Variants in TMEM67 observed in about 807,000 individuals in gnomAD.
TMEM67 encodes meckelin.
TMEM67 carries 124 observed loss-of-function variants against 136.6 expected under a neutral mutation model. The ratio of observed to expected loss-of-function variants is 0.91; its 90% confidence interval spans 0.78 to 1.05. The LOEUF (loss-of-function observed/expected upper bound fraction) is 1.05, where lower values mean the gene tolerates loss of function less well. TMEM67 is among the 50% of genes least tolerant of loss of function. The pLI is 0.00. For synonymous variants in TMEM67, 364 were observed against 390.5 expected (o/e 0.93, Z 0.80); for missense variants, 1,107 against 1,178.4 (o/e 0.94, Z 0.89).
chr8:93,820,085 C>G (rs1809019411), downstream of TMEM67, among the ~76,000 whole-genome samples: 1 of 152,142 alleles, frequency 6.6e-6, no homozygotes. Flanking sequence ...CGATCCCAAA[C>G]TGTTGACCCC....
At chr8:93,772,054 C>A (rs908770754) in intron 6 of TMEM67, among the ~76,000 whole-genome samples, 1 of 152,050 alleles carries the variant, frequency 6.6e-6, no homozygotes, top group South Asian at 2.1e-4. Flanking sequence ...CCTTCAAAAC[C>A]GATGTAATTG....
At chr8:93,798,942 A>AGTTGT (rs1814744354) in intron 20 of TMEM67, among the ~76,000 whole-genome samples, 1 of 143,398 alleles carries the variant, frequency 7.0e-6, no homozygotes, top group African/African-American at 2.6e-5. Flanking sequence ...GTACTAAAGT[A>AGTTGT]GTGTGTGTGT....
At chr8:93,804,668 T>C in intron 22 of TMEM67, 94 bp from the exon 23 acceptor site, 1 of 696,960 alleles carries the variant, frequency 1.4e-6, no homozygotes, top group Non-Finnish European at 2.6e-6. Context: ...ATCTTCATTA[T>C]TTTGGGAAAA....
chr8:93,822,367 G>T (rs114396338), downstream of TMEM67, among the ~76,000 whole-genome samples: 3,137 of 152,262 alleles, frequency 0.021, 98 homozygotes, highest in African/African-American at 0.071. Flanking sequence ...TGAAGCAAAA[G>T]AACTTTCATA....
At chr8:93,771,849 C>G (rs1259892568) in intron 6 of TMEM67, among the ~76,000 whole-genome samples, 1 of 152,156 alleles carries the variant, frequency 6.6e-6, no homozygotes, top group Non-Finnish European at 1.5e-5. Context: ...TAAATATACA[C>G]AAATAGTACC....
intron 21 of TMEM67, among the ~76,000 whole-genome samples, chr8:93,802,606 A>T (rs1164301639): frequency 6.6e-6 from 1 of 152,218 alleles, no homozygotes; most frequent in Non-Finnish European, 1.5e-5. Flanking sequence ...ACAACCTGTT[A>T]CAGTTTCATA....
At chr8:93,763,096 A>ATT in intron 3 of TMEM67, 14 of 218,572 alleles carry the variant, frequency 6.4e-5, no homozygotes, top group South Asian at 2.7e-4. Context: ...CTAATTTTGT[A>ATT]TTTTTTTTTT....
At chr8:93,759,681 A>G (rs1812737353) in intron 3 of TMEM67, among the ~76,000 whole-genome samples, 1 of 145,656 alleles carries the variant, frequency 6.9e-6, no homozygotes, top group African/African-American at 2.6e-5. Context: ...CAGAGTTTTC[A>G]CTGTTGTTGC....
At chr8:93,815,662 G>A (rs1808878429) in intron 27 of TMEM67, among the ~76,000 whole-genome samples, 1 of 152,154 alleles carries the variant, frequency 6.6e-6, no homozygotes, top group Non-Finnish European at 1.5e-5. Context: ...CTAGTGGAGG[G>A]CATAAGTTGC....
At chr8:93,760,678 A>C (rs958125092) in intron 3 of TMEM67, among the ~76,000 whole-genome samples, 6 of 72,106 alleles carry the variant, frequency 8.3e-5, no homozygotes, top group Non-Finnish European at 1.5e-4. Flanking sequence ...CTGTGTCTAC[A>C]AAAAAAAAAG....
At chr8:93,799,780 A>G in intron 21 of TMEM67, 22 bp downstream of exon 21, 3 of 1,594,850 alleles carry the variant, frequency 1.9e-6, no homozygotes, top group Non-Finnish European at 2.6e-6. Context: ...TACAGGTAAT[A>G]TTACTTCTAA....
rs767480674 is a variant in TMEM67, at chr8:93,795,884, A to G, written c.1774-17A>G. 1.3e-6 allele frequency: 2 copies of G among 1,527,442 alleles called. No homozygotes were observed. The highest frequency in any genetic ancestry group is 1.8e-6 in the Non-Finnish European group (2 of 1,106,286). 94.6% of individuals were successfully genotyped at this position (1,527,442 alleles called of 1,614,324 possible). ...AACTGTGTGTGATAATATTTAATCAAGTAATTTTTATTATAGGCACAGAAG... is the reference window on the plus strand; with the variant it reads ...AACTGTGTGTGATAATATTTAATCAGGTAATTTTTATTATAGGCACAGAAG... On this transcript the variant is annotated splice_polypyrimidine_tract_variant and intron_variant, in intron 17 of 27. Coordinates refer to ENST00000453321, the MANE Select transcript of TMEM67 (RefSeq NM_153704.6).
intron 3 of TMEM67, among the ~76,000 whole-genome samples, chr8:93,762,688 T>C (rs568701922): frequency 6.6e-6 from 1 of 152,074 alleles, no homozygotes; most frequent in African/African-American, 2.4e-5. Flanking sequence ...GTTTTATGAG[T>C]TGGATGGCAA....
chr8:93,823,925 C>T (rs1275922004), downstream of TMEM67, among the ~76,000 whole-genome samples: 1 of 151,506 alleles, frequency 6.6e-6, no homozygotes, highest in Non-Finnish European at 1.5e-5. Context: ...CATCATTACA[C>T]ACAGTTTTCA....
rs574410532 is a variant in TMEM67, at chr8:93,770,836, G to A, written c.652-1753G>A. On this transcript the variant is annotated intron_variant, in intron 6 of 27. Transcript: ENST00000453321. Reference sequence around the variant, plus strand: ...TCAAGACCAGCCTGGCCAACATGGTGAAACCCCATCTCTACTGAAAATACA... The same window carrying A: ...TCAAGACCAGCCTGGCCAACATGGTAAAACCCCATCTCTACTGAAAATACA... Among the ~76,000 whole-genome samples, 6 of 152,138 alleles carry A rather than the reference G, an allele frequency of 3.9e-5. No homozygotes were observed. In the East Asian group the frequency reaches 1.2e-3, roughly 29 times the overall value.
At position 93,765,481 on chromosome 8, in the gene TMEM67, G is replaced by C; in HGVS notation, c.576+6G>C. ...GTTCAGAACCTAACATTTTAGTAAG[G>C]CTAACCAAATTGATAAAGTATATAT... On this transcript the variant is annotated splice_donor_region_variant and intron_variant, in intron 5 of 27. Coordinates refer to ENST00000453321, the MANE Select transcript of TMEM67 (RefSeq NM_153704.6). The C allele has an allele frequency of 1.2e-6, 2 of 1,611,210 alleles. No individual in the cohort carries two copies. Among genetic ancestry groups the C allele is most frequent in the Non-Finnish European group, 1.7e-6 (2 of 1,178,704 alleles).
intron 3 of TMEM67, among the ~76,000 whole-genome samples, chr8:93,763,348 T>C (rs1279776918): frequency 3.0e-4 from 46 of 152,352 alleles, no homozygotes; most frequent in Admixed American, 3.0e-3. Flanking sequence ...TATCCTTATA[T>C]ACATGTTCAA....
At chr8:93,781,124 G>A (rs973851070) in intron 9 of TMEM67, 142 bp downstream of exon 9, 32 of 666,364 alleles carry the variant, frequency 4.8e-5, no homozygotes, top group Non-Finnish European at 8.1e-5. Context: ...CAACTCATAA[G>A]AACTAAATAG....
rs148541991 is a variant in TMEM67 at position 93,771,293 on chromosome 8, T to A, written c.652-1296T>A. 4.3e-3 allele frequency among the ~76,000 whole-genome samples: 658 copies of A among 152,142 alleles called. 7 individuals carry two copies. Among genetic ancestry groups the A allele is most frequent in the African/African-American group, 0.015 (608 of 41,538 alleles). ...AAGCTTTATTATGAACTGTAGAATC[T>A]TTGTTTACTCATTGTGTTATAATCT... On this transcript the variant is annotated intron_variant, in intron 6 of 27. Transcript: ENST00000453321.
Sources: gnomAD v4.1 joint callset for allele counts (sites outside exome capture counted in the v4.1 genomes callset) on GRCh38, gnomAD v4.1.1 for gene constraint, MANE v1.5 for transcripts, NCBI Gene and HGNC (gene_info 2026-07-23, HGNC 2026-07-21) for gene names.